Variants in PAX5 observed in about 807,000 individuals in gnomAD.
PAX5 encodes the protein paired box 5, also known as paired box protein Pax-5.
In PAX5, 9 loss-of-function variants were observed where a neutral mutation model predicts 43.7. That is an observed-to-expected ratio of 0.21 (90% CI 0.12 to 0.36). PAX5 has a LOEUF of 0.36. Ranked by LOEUF, PAX5 falls within the 10% of genes least tolerant of loss-of-function variation. The probability of loss-of-function intolerance (pLI) is 1.00; values close to 1 mark genes in which losing one functional copy is unlikely to be tolerated. For synonymous variants in PAX5, 228 were observed against 214.3 expected, an observed-to-expected ratio of 1.06 and a Z score of -0.56; for missense variants, 383 against 532.7, an observed-to-expected ratio of 0.72 and a Z score of 2.77.
At chr9:36,965,941 G>A (rs1318712837) in intron 6 of PAX5, among the ~76,000 whole-genome samples, 1 of 152,206 alleles carries the variant, frequency 6.6e-6, no homozygotes, top group Non-Finnish European at 1.5e-5. Context: ...TGACTACTCT[G>A]CCCAGGGTAT....
intron 1 of PAX5, among the ~76,000 whole-genome samples, chr9:37,030,372 C>T (rs1173882543): frequency 6.6e-6 from 1 of 152,234 alleles, no homozygotes; most frequent in African/African-American, 2.4e-5. Context: ...GGTTACGTGA[C>T]TAGCTCGAGG....
chr9:36,898,685 C>T (rs1563945169), intron 7 of PAX5, among the ~76,000 whole-genome samples: 1 of 152,166 alleles, frequency 6.6e-6, no homozygotes, highest in Non-Finnish European at 1.5e-5. Flanking sequence ...TGTGGTTTGC[C>T]CGCTCTCCGA....
chr9:36,963,280 G>A (rs1055674781), intron 6 of PAX5, among the ~76,000 whole-genome samples: 1 of 152,190 alleles, frequency 6.6e-6, no homozygotes, highest in Non-Finnish European at 1.5e-5. Flanking sequence ...TCATTCTGAA[G>A]GACACTGGAG....
intron 6 of PAX5, among the ~76,000 whole-genome samples, chr9:36,961,823 TACAC>T (rs1834001971): frequency 6.6e-6 from 1 of 152,140 alleles, no homozygotes; most frequent in Non-Finnish European, 1.5e-5. Context: ...CGCACGCACA[TACAC>T]ACGTGCACGC....
intron 6 of PAX5, among the ~76,000 whole-genome samples, chr9:36,940,776 G>A (rs1831985171): frequency 6.6e-6 from 1 of 152,174 alleles, no homozygotes; most frequent in Non-Finnish European, 1.5e-5. Context: ...GAGTCTAGAA[G>A]CTCCACAAGG....
chr9:36,855,075 A>C (rs1253069826), intron 8 of PAX5, among the ~76,000 whole-genome samples: 1 of 152,166 alleles, frequency 6.6e-6, no homozygotes, highest in East Asian at 1.9e-4. Context: ...CAACTACAAA[A>C]ACCCAAATCC....
At chr9:37,018,435 T>TGAGATGACA (rs1335754691) in intron 2 of PAX5, among the ~76,000 whole-genome samples, 1 of 151,962 alleles carries the variant, frequency 6.6e-6, no homozygotes, top group Admixed American at 6.6e-5. Flanking sequence ...CCCACCTTCC[T>TGAGATGACA]GAGATGACAG....
intron 5 of PAX5, among the ~76,000 whole-genome samples, chr9:36,975,143 A>G (rs1387064869): frequency 6.6e-6 from 1 of 152,192 alleles, no homozygotes; most frequent in Admixed American, 6.5e-5. Context: ...CCATTCTGTG[A>G]ACTCAGTCCT....
At chr9:36,923,584 C>T (rs1190511819) in intron 6 of PAX5, 100 bp from the exon 7 acceptor site, 6 of 1,413,352 alleles carry the variant, frequency 4.2e-6, no homozygotes, top group Middle Eastern at 1.8e-4. Context: ...CTGAGTTAGT[C>T]CATGCCTGTG....
At chr9:36,863,588 C>G (rs755396261) in intron 8 of PAX5, among the ~76,000 whole-genome samples, 5 of 152,242 alleles carry the variant, frequency 3.3e-5, no homozygotes, top group Admixed American at 2.0e-4. Context: ...GAGGCAGGCT[C>G]CAGCTCTCAG....
chr9:36,950,514 C>T (rs1472020404), intron 6 of PAX5, among the ~76,000 whole-genome samples: 1 of 152,164 alleles, frequency 6.6e-6, no homozygotes, highest in African/African-American at 2.4e-5. Context: ...TCACTGCCCA[C>T]ACCAGACACT....
intron 5 of PAX5, among the ~76,000 whole-genome samples, chr9:37,000,826 T>C (rs1837785741): frequency 6.6e-6 from 1 of 152,210 alleles, no homozygotes; most frequent in African/African-American, 2.4e-5. Context: ...CCACACACTT[T>C]AAGGCCATGC....
At chr9:36,965,507 G>A (rs1834349642) in intron 6 of PAX5, among the ~76,000 whole-genome samples, 1 of 152,196 alleles carries the variant, frequency 6.6e-6, no homozygotes, top group Admixed American at 6.5e-5. Flanking sequence ...GTCATAGATG[G>A]GTGGCCCCAG....
At chr9:36,910,718 G>A (rs1273741219) in intron 7 of PAX5, among the ~76,000 whole-genome samples, 5 of 152,264 alleles carry the variant, frequency 3.3e-5, no homozygotes, top group African/African-American at 1.2e-4. Flanking sequence ...AAATACCGCT[G>A]GAAGAGACTT....
At chr9:36,926,319 G>A (rs1207957480) in intron 6 of PAX5, among the ~76,000 whole-genome samples, 1 of 152,140 alleles carries the variant, frequency 6.6e-6, no homozygotes, top group East Asian at 1.9e-4. Context: ...AAATATCCAA[G>A]GGTCTCCCAC....
chr9:36,976,834 A>C (rs1013126602), intron 5 of PAX5, among the ~76,000 whole-genome samples: 3 of 152,204 alleles, frequency 2.0e-5, no homozygotes, highest in African/African-American at 7.2e-5. Context: ...TGGTGATTCC[A>C]CATTCGAGGA....
chr9:37,017,096 G>T (rs1192194305), intron 2 of PAX5, among the ~76,000 whole-genome samples: 2 of 152,130 alleles, frequency 1.3e-5, no homozygotes, highest in East Asian at 3.9e-4. Context: ...GGCTAGAAAA[G>T]CACCCTAAGT....
At chr9:36,886,606 C>T (rs1024716957) in intron 7 of PAX5, among the ~76,000 whole-genome samples, 11 of 152,196 alleles carry the variant, frequency 7.2e-5, no homozygotes, top group African/African-American at 2.4e-4. Flanking sequence ...TAATTCAAGC[C>T]TCTGGACTGG....
At chr9:36,852,717 A>G (rs766023391) in intron 8 of PAX5, among the ~76,000 whole-genome samples, 5 of 152,226 alleles carry the variant, frequency 3.3e-5, no homozygotes, top group Non-Finnish European at 5.9e-5. Context: ...CCCTTCACGC[A>G]ACAAATTCAT....
Sources: allele counts gnomAD v4.1 joint callset (sites outside exome capture counted in the v4.1 genomes callset), GRCh38; gene constraint gnomAD v4.1.1; transcripts MANE v1.5; gene names NCBI Gene and HGNC (gene_info 2026-07-23, HGNC 2026-07-21).